FAP: variants seen among roughly 807,000 people sequenced by gnomAD.
FAP encodes prolyl endopeptidase FAP.
A neutral mutation model predicts 126.5 loss-of-function variants in FAP; 110 were observed. The observed-to-expected ratio is 0.87, with a 90% CI of 0.74 to 1.02. FAP has a LOEUF of 1.02. Ranked by LOEUF, FAP falls within the 50% of genes least tolerant of loss-of-function variation. The probability of loss-of-function intolerance (pLI) is 0.00; values close to 1 mark genes in which losing one functional copy is unlikely to be tolerated. For synonymous variants in FAP, 334 were observed against 297.3 expected (o/e 1.12, Z -1.27); for missense variants, 919 against 909.2 (o/e 1.01, Z -0.14).
At chr2:162,199,014 T>A in intron 15 of FAP, 133 bp from the exon 16 acceptor site, 1 of 735,384 alleles carries the variant, frequency 1.4e-6, no homozygotes, top group Non-Finnish European at 2.2e-6. Flanking sequence ...CAATATCATT[T>A]AAAGTAAAGG....
intron 21 of FAP, chr2:162,175,258 CA>C (rs539462786): frequency 2.2e-3 from 384 of 171,884 alleles, no homozygotes; most frequent in East Asian, 7.9e-3. Flanking sequence ...TTTTCTTTTG[CA>C]AAAAAAAAAT....
chr2:162,221,690 C>CA (rs1196453374), intron 6 of FAP: 2 of 456,630 alleles, frequency 4.4e-6, no homozygotes, highest in Non-Finnish European at 8.8e-6. Flanking sequence ...GCGCATGTCT[C>CA]AAGCCATCAC....
chr2:162,228,421 A>T (rs957536293), intron 2 of FAP, among the ~76,000 whole-genome samples: 3 of 152,196 alleles, frequency 2.0e-5, no homozygotes, highest in Non-Finnish European at 2.9e-5. Flanking sequence ...GAGCAAAATA[A>T]TAAAGTGGAA....
In FAP at chr2:162,210,133, TA is replaced by T. The variant is rs371449321; in HGVS notation, c.1003-138del. ...AGTCAACTAACTTCAAATTTGAGTT[TA>T]AAAGGACAATATTAAAAATCTCATA... is the stretch of plus-strand genomic sequence containing the variant. On this transcript the variant is annotated intron_variant, in intron 11 of 25. Transcript: ENST00000188790. 885 of 680,548 alleles carry T rather than the reference TA, an allele frequency of 1.3e-3. 17 individuals carry two copies. The highest frequency in any genetic ancestry group is 0.012 in the South Asian group (645 of 54,516). The allele number at this position is 680,548 out of a possible 1,614,324, so 42.2% of individuals were successfully genotyped here.
chr2:162,188,163 G>T lies in FAP; in HGVS notation c.1814+6C>A, dbSNP rs150039321. The T allele has an allele frequency of 3.6e-5, 58 of 1,609,658 alleles. No individual in the cohort carries two copies. The African/African-American group carries it at 6.8e-4, about 19-fold the overall frequency. On this transcript the variant is annotated splice_donor_region_variant and intron_variant, in intron 20 of 25. Coordinates refer to ENST00000188790, the MANE Select transcript of FAP (RefSeq NM_004460.5). ...TTGACATCTGCTTGAATGAGAAGGT[G>T]CTCACCTGACAGCTGTAATCTGGTC...
At chr2:162,221,386 G>A (rs1689388957) in intron 6 of FAP, among the ~76,000 whole-genome samples, 1 of 152,004 alleles carries the variant, frequency 6.6e-6, no homozygotes, top group Non-Finnish European at 1.5e-5. Context: ...AAAATTAGCA[G>A]TGGTGGCACA....
chr2:162,225,346 C>A, intron 4 of FAP, 137 bp downstream of exon 4: 5 of 1,060,130 alleles, frequency 4.7e-6, no homozygotes, highest in South Asian at 3.2e-5. Flanking sequence ...GCAGACAGAA[C>A]GGGAAGACTC....
At chr2:162,209,521 T>C (rs998217146) in intron 12 of FAP, 1 of 156,812 alleles carries the variant, frequency 6.4e-6, no homozygotes, top group Admixed American at 6.3e-5. Flanking sequence ...TTAGTACATG[T>C]TATATGAAAT....
At chr2:162,178,817 A>G (rs1687580198) in intron 21 of FAP, among the ~76,000 whole-genome samples, 1 of 152,202 alleles carries the variant, frequency 6.6e-6, no homozygotes, top group African/African-American at 2.4e-5. Flanking sequence ...GGAAACACAT[A>G]TATTCTTCCC....
chr2:162,228,485 C>T (rs1689753740), intron 2 of FAP, among the ~76,000 whole-genome samples: 1 of 152,180 alleles, frequency 6.6e-6, no homozygotes, highest in South Asian at 2.1e-4. Context: ...GTATGCTCCA[C>T]ACTTTTGATT....
Position 162,219,091 on chromosome 2 carries a change from A to G in FAP, c.579T>C (p.Phe193=). ...ITFNGRENKI[F]NGIPDWVYEE... ...CATAAACCCAGTCTGGGATTCCATTAAATATTTTATTTTCTCTTCCATTAA... is the reference window on the plus strand; with the variant it reads ...CATAAACCCAGTCTGGGATTCCATTGAATATTTTATTTTCTCTTCCATTAA... Residue 193 remains phenylalanine, a synonymous_variant, in exon 8 of 26, where the codon TTT becomes TTC. Coordinates refer to ENST00000188790, the MANE Select transcript of FAP (RefSeq NM_004460.5). The G allele has an allele frequency of 6.2e-7, 1 of 1,605,432 alleles. No homozygotes were observed. The highest frequency in any genetic ancestry group is 2.2e-5 in the East Asian group (1 of 44,620).
intron 17 of FAP, chr2:162,194,289 C>T (rs1688157163): frequency 6.1e-6 from 1 of 165,122 alleles, no homozygotes; most frequent in Non-Finnish European, 1.3e-5. Flanking sequence ...CACACACACA[C>T]ACACACACAC....
intron 3 of FAP, among the ~76,000 whole-genome samples, chr2:162,225,797 C>T (rs1209571122): frequency 6.6e-6 from 1 of 152,004 alleles, no homozygotes; most frequent in Admixed American, 6.6e-5. Context: ...AAACAGCAGC[C>T]CTATTTTAGC....
intron 10 of FAP, among the ~76,000 whole-genome samples, chr2:162,215,283 G>A (rs1689119249): frequency 6.6e-6 from 1 of 152,152 alleles, no homozygotes. Context: ...AAGCCCAACA[G>A]GCAGGGCCTG....
At chr2:162,191,159 T>G (rs1331790077) in intron 17 of FAP, among the ~76,000 whole-genome samples, 1 of 152,136 alleles carries the variant, frequency 6.6e-6, no homozygotes, top group East Asian at 1.9e-4. Context: ...GACTGATTAC[T>G]ATTTGTATTA....
intron 12 of FAP, among the ~76,000 whole-genome samples, chr2:162,204,761 T>C (rs1410292461): frequency 6.6e-6 from 1 of 152,208 alleles, no homozygotes; most frequent in Non-Finnish European, 1.5e-5. Flanking sequence ...CCATAACTTA[T>C]AGCAGCCCTA....
chr2:162,200,861 C>A (rs748195789), intron 14 of FAP, among the ~76,000 whole-genome samples: 4 of 152,094 alleles, frequency 2.6e-5, no homozygotes, highest in Non-Finnish European at 4.4e-5. Flanking sequence ...TATTCTGATT[C>A]ATTATGAGTC....
intron 20 of FAP, among the ~76,000 whole-genome samples, chr2:162,184,172 G>A (rs1033777989): frequency 6.6e-6 from 1 of 152,122 alleles, no homozygotes; most frequent in African/African-American, 2.4e-5. Context: ...CTGAGGGCTG[G>A]TGTTCTAGAG....
chr2:162,215,965 T>C lies in FAP; in HGVS notation c.799A>G (p.Ile267Val). 1 of 1,614,058 alleles carries C rather than the reference T, an allele frequency of 6.2e-7. No homozygotes were observed. The highest frequency in any genetic ancestry group is 1.1e-5 in the South Asian group (1 of 91,076). ...AKNPVVRIFI[I>V]DTTYPAYVGP... ...ACATACGCAGGGTAAGTGGTATCGATAATAAATATCCGAACAACGGGATTC... is the reference window on the plus strand; with the variant it reads ...ACATACGCAGGGTAAGTGGTATCGACAATAAATATCCGAACAACGGGATTC... Residue 267 changes from isoleucine (I) to valine (V), a missense_variant, in exon 10 of 26, where the codon ATC becomes GTC. Coordinates refer to ENST00000188790, the MANE Select transcript of FAP (RefSeq NM_004460.5).
Sources: allele counts gnomAD v4.1 joint callset (sites outside exome capture counted in the v4.1 genomes callset), GRCh38; gene constraint gnomAD v4.1.1; transcripts MANE v1.5; gene names NCBI Gene and HGNC (gene_info 2026-07-23, HGNC 2026-07-21).